SYCP1: variants seen among roughly 807,000 people sequenced by gnomAD.
The protein encoded by SYCP1 is cancer/testis antigen 8.
In SYCP1, 64 loss-of-function variants were observed where a neutral mutation model predicts 153.1. The ratio of observed to expected loss-of-function variants is 0.42; its 90% CI spans 0.34 to 0.51. The LOEUF (loss-of-function observed/expected upper bound fraction) is 0.51, where lower values mean the gene tolerates loss of function less well. Ranked by LOEUF, SYCP1 falls within the 20% of genes least tolerant of loss-of-function variation. The pLI is 0.06. For missense variants in SYCP1, 997 were observed against 1,049.0 expected, an observed-to-expected ratio of 0.95 and a Z score of 0.68; for synonymous variants, 384 against 341.8, an observed-to-expected ratio of 1.12 and a Z score of -1.36.
At chr1:114,856,100 A>T (rs768689369) in intron 2 of SYCP1, among the ~76,000 whole-genome samples, 67 of 152,278 alleles carry the variant, frequency 4.4e-4, no homozygotes, top group African/African-American at 9.9e-4. Context: ...AAAATTAATT[A>T]AAAAAATTTA....
Position 114,944,331 on chromosome 1 carries a change from A to T in SYCP1, c.1927-8A>T, listed in dbSNP as rs756187538. On this transcript the variant is annotated splice_polypyrimidine_tract_variant and splice_region_variant and intron_variant, in intron 23 of 31. Transcript: ENST00000369522. ...ACTAATATTCATGCTATTTTTCTTT[A>T]CTTAAAGGTCAATAAATTAGAGTTA... is the stretch of plus-strand genomic sequence containing the variant. The T allele has an allele frequency of 6.7e-7, 1 of 1,482,566 alleles. No individual in the cohort carries two copies. The allele number at this position is 1,482,566 out of a possible 1,614,324, so 91.8% of individuals were successfully genotyped here. A position where few individuals can be genotyped will look rare whatever the true frequency, so the allele number is the denominator to read the frequency against.
chr1:114,968,477 G>A (rs1291909702), intron 27 of SYCP1, among the ~76,000 whole-genome samples: 1 of 152,106 alleles, frequency 6.6e-6, no homozygotes, highest in Non-Finnish European at 1.5e-5. Context: ...TTCAGCTATT[G>A]ATACTTGTGT....
intron 15 of SYCP1, among the ~76,000 whole-genome samples, chr1:114,893,145 G>A (rs1666836614): frequency 6.6e-6 from 1 of 152,212 alleles, no homozygotes; most frequent in South Asian, 2.1e-4. Flanking sequence ...TGTGGAGGAG[G>A]TGAGTGGGCA....
chr1:114,928,931 A>T (rs542240843), intron 23 of SYCP1, among the ~76,000 whole-genome samples: 1 of 152,304 alleles, frequency 6.6e-6, no homozygotes, highest in South Asian at 2.1e-4. Context: ...ACAGTACTGG[A>T]GACTGGGAAT....
chr1:114,856,935 A>AAAAAC, intron 3 of SYCP1, among the ~76,000 whole-genome samples: 1 of 146,884 alleles, frequency 6.8e-6, no homozygotes, highest in Non-Finnish European at 1.5e-5. Context: ...AAAAAAAAAA[A>AAAAAC]AAAAAAAAAA....
upstream of SYCP1, among the ~76,000 whole-genome samples, chr1:114,854,327 TC>T (rs1162596883): frequency 1.3e-5 from 2 of 151,930 alleles, no homozygotes; most frequent in African/African-American, 2.4e-5. Context: ...AGAGGCAGGG[TC>T]TCACTACGTT....
In SYCP1 at chr1:114,876,226, G is replaced by A. The variant is rs975497923; in HGVS notation, c.727+88G>A. 5.0e-6 allele frequency: 4 copies of A among 807,542 alleles called. No homozygotes were observed. The African/African-American group carries it at 7.2e-5, about 14-fold the overall frequency. 50.0% of individuals were successfully genotyped at this position (807,542 alleles called of 1,614,324 possible). ...TTCCGTTAATGTCTTCATCTCTTTA[G>A]CCTGATGCTCTGAACTATTTTCTAT... is the stretch of plus-strand genomic sequence containing the variant. On this transcript the variant is annotated intron_variant, in intron 10 of 31. Coordinates refer to ENST00000369522, the MANE Select transcript of SYCP1 (RefSeq NM_003176.4).
chr1:114,993,159 A>G (rs1301584414), intron 30 of SYCP1, among the ~76,000 whole-genome samples: 2 of 151,592 alleles, frequency 1.3e-5, no homozygotes, highest in Non-Finnish European at 3.0e-5. Flanking sequence ...TAAAATTGTA[A>G]TGATAGTTTA....
chr1:114,879,983 T>TA (rs552721884), intron 12 of SYCP1, among the ~76,000 whole-genome samples: 110 of 152,352 alleles, frequency 7.2e-4, no homozygotes, highest in African/African-American at 2.4e-3. Flanking sequence ...TCTCCTCTTT[T>TA]AAAAATCTCA....
At chr1:114,871,065 G>A (rs1370625328) in intron 8 of SYCP1, among the ~76,000 whole-genome samples, 2 of 151,358 alleles carry the variant, frequency 1.3e-5, no homozygotes, top group Non-Finnish European at 2.9e-5. Flanking sequence ...TTTCACTAGA[G>A]TTTGCAATAT....
At chr1:114,939,893 G>A (rs360671) in intron 23 of SYCP1, among the ~76,000 whole-genome samples, 94,334 of 151,916 alleles carry the variant, frequency 0.62, 29,587 homozygotes, top group African/African-American at 0.67. Context: ...AGTATAACTT[G>A]GTTGTCCTAT....
At chr1:114,963,586 A>G (rs912349519) in intron 27 of SYCP1, among the ~76,000 whole-genome samples, 1 of 151,640 alleles carries the variant, frequency 6.6e-6, no homozygotes, top group African/African-American at 2.4e-5. Flanking sequence ...GTATGTTCTC[A>G]TTGTCCAGCT....
intron 16 of SYCP1, among the ~76,000 whole-genome samples, chr1:114,904,463 T>A (rs979241494): frequency 6.6e-6 from 1 of 152,174 alleles, no homozygotes; most frequent in African/African-American, 2.4e-5. Flanking sequence ...GAAATTTTTA[T>A]TGGAATTGTG....
rs1038707199 is a variant in SYCP1 at position 114,888,045 on chromosome 1, T to C, written c.1258+352T>C. Among the ~76,000 whole-genome samples, 146 of 152,116 alleles carry C rather than the reference T, an allele frequency of 9.6e-4. 2 individuals are homozygous for C. The highest frequency in any genetic ancestry group is 3.7e-4 in the Non-Finnish European group (25 of 67,968). ...AATGTCTGTTATTGTTTAATTGAAT[T>C]TTGAAATTTCATTGCTTTGTCATGT... On this transcript the variant is annotated intron_variant, in intron 15 of 31. Coordinates refer to ENST00000369522, the MANE Select transcript of SYCP1 (RefSeq NM_003176.4).
At chr1:114,871,414 C>T (rs1665114175) in intron 8 of SYCP1, among the ~76,000 whole-genome samples, 1 of 151,660 alleles carries the variant, frequency 6.6e-6, no homozygotes, top group African/African-American at 2.4e-5. Flanking sequence ...GTGATTCACC[C>T]TCCTCCACCT....
At chr1:114,873,810 C>T (rs1333363240) in intron 8 of SYCP1, among the ~76,000 whole-genome samples, 7 of 152,076 alleles carry the variant, frequency 4.6e-5, no homozygotes, top group South Asian at 4.2e-4. Flanking sequence ...CAGCTCACTG[C>T]GACCTCTGCC....
chr1:114,874,705 A>G, intron 9 of SYCP1, 141 bp downstream of exon 9: 1 of 523,766 alleles, frequency 1.9e-6, no homozygotes, highest in Admixed American at 3.3e-5. Context: ...CACTAATAAA[A>G]TTCCTAAGGT....
At chr1:114,870,123 C>T (rs1665020196) in intron 8 of SYCP1, among the ~76,000 whole-genome samples, 1 of 152,122 alleles carries the variant, frequency 6.6e-6, no homozygotes, top group African/African-American at 2.4e-5. Flanking sequence ...AAGCGATCTT[C>T]TTACCTCAGC....
chr1:114,858,061 A>G (rs1275791358), intron 5 of SYCP1, among the ~76,000 whole-genome samples: 2 of 152,066 alleles, frequency 1.3e-5, no homozygotes, highest in Non-Finnish European at 2.9e-5. Flanking sequence ...TATTTACAAT[A>G]TAATGTGGAT....
Sources: gnomAD v4.1 joint callset for allele counts (sites outside exome capture counted in the v4.1 genomes callset) on GRCh38, gnomAD v4.1.1 for gene constraint, MANE v1.5 for transcripts, NCBI Gene and HGNC (gene_info 2026-07-23, HGNC 2026-07-21) for gene names.